The following SLC18A2 variants were observed in gnomAD, a reference collection of about 807,000 sequenced individuals.
SLC18A2 encodes synaptic vesicular amine transporter.
Under a neutral mutation model 59.2 loss-of-function variants are expected in SLC18A2, and 33 were observed. The observed-to-expected ratio is 0.56, with a 90% CI of 0.42 to 0.75. SLC18A2 has a LOEUF of 0.75. SLC18A2 is among the 30% of genes least tolerant of loss of function. The pLI, the probability that SLC18A2 is intolerant of heterozygous loss-of-function variation, is 0.00. For missense variants in SLC18A2, 569 were observed against 668.6 expected, an observed-to-expected ratio of 0.85 and a Z score of 1.64; for synonymous variants, 228 against 253.5, an observed-to-expected ratio of 0.90 and a Z score of 0.95.
At chr10:117,260,549 A>G (rs1226457392) in intron 10 of SLC18A2, among the ~76,000 whole-genome samples, 1 of 152,222 alleles carries the variant, frequency 6.6e-6, no homozygotes, top group Non-Finnish European at 1.5e-5. Context: ...TTCCTTTGCT[A>G]GCATTTAAAT....
intron 10 of SLC18A2, among the ~76,000 whole-genome samples, chr10:117,264,269 G>A (rs969214488): frequency 5.9e-5 from 9 of 152,250 alleles, no homozygotes; most frequent in African/African-American, 2.2e-4. Flanking sequence ...ACTGTTGCAG[G>A]CCAGTCCCAG....
At chr10:117,252,217 C>T (rs910286313) in intron 3 of SLC18A2, among the ~76,000 whole-genome samples, 7 of 137,024 alleles carry the variant, frequency 5.1e-5, no homozygotes, top group African/African-American at 1.9e-4. Flanking sequence ...CTCCTGAGCT[C>T]AGGTGATCCG....
At chr10:117,264,709 A>G (rs1185195189) in intron 10 of SLC18A2, among the ~76,000 whole-genome samples, 1 of 151,960 alleles carries the variant, frequency 6.6e-6, no homozygotes, top group Non-Finnish European at 1.5e-5. Flanking sequence ...TCTGCTTGCA[A>G]TTTGCTTGTT....
intron 10 of SLC18A2, among the ~76,000 whole-genome samples, chr10:117,265,458 A>G (rs1844337965): frequency 6.6e-6 from 1 of 152,098 alleles, no homozygotes; most frequent in South Asian, 2.1e-4. Flanking sequence ...ATTGAGAACA[A>G]AGTAACTTTT....
At chr10:117,274,687 C>T (rs756963172) in intron 15 of SLC18A2, among the ~76,000 whole-genome samples, 3 of 152,136 alleles carry the variant, frequency 2.0e-5, no homozygotes, top group Non-Finnish European at 4.4e-5. Context: ...TACTCATTGC[C>T]ACCTCCCTTG....
At chr10:117,254,372 G>T (rs1363485855) in intron 5 of SLC18A2, 33 bp from the exon 6 acceptor site, 7 of 1,525,832 alleles carry the variant, frequency 4.6e-6, no homozygotes, top group Non-Finnish European at 6.2e-6. Flanking sequence ...GTTCCCCGGA[G>T]CTGGCCTGTT....
intron 3 of SLC18A2, among the ~76,000 whole-genome samples, chr10:117,252,732 G>A (rs955754584): frequency 6.6e-6 from 1 of 152,112 alleles, no homozygotes; most frequent in East Asian, 1.9e-4. Context: ...TGGTCTCTCC[G>A]AGGGACTGAG....
Position 117,269,929 on chromosome 10 carries a change from G to C in SLC18A2, c.1187-142G>C, listed in dbSNP as rs1393256647. 1.0e-6 allele frequency: 1 copy of C among 959,282 alleles called. No homozygotes were observed. Among genetic ancestry groups the C allele is most frequent in the Admixed American group, 2.7e-5 (1 of 37,170 alleles). The allele number at this position is 959,282 out of a possible 1,614,324, so 59.4% of individuals were successfully genotyped here. On this transcript the variant is annotated intron_variant, in intron 13 of 15. Coordinates refer to ENST00000644641, the MANE Select transcript of SLC18A2 (RefSeq NM_003054.6). This position sits in a 1 kb window ranked among gnomAD's most constrained non-coding sequence, Gnocchi z 5.1. ...CTTCATTCTTTCTACTCAAAGATTA[G>C]TATCACCCCAAGACTTGCAGGTGGT...
At position 117,253,942 on chromosome 10, in the gene SLC18A2, A is replaced by G. The variant is rs757670896; in HGVS notation, c.524-106A>G. 11 of 966,302 alleles carry G rather than the reference A, an allele frequency of 1.1e-5. 1 individual carries two copies. Among genetic ancestry groups the G allele is most frequent in the Admixed American group, 1.9e-5 (1 of 51,312 alleles). The allele number at this position is 966,302 out of a possible 1,614,324, so 59.9% of individuals were successfully genotyped here. A position where few individuals can be genotyped will look rare whatever the true frequency, so the allele number is the denominator to read the frequency against. The stretch of plus-strand genomic sequence containing the variant: ...GGAACAAAAGCACAGGGTGGCTAAC[A>G]TGCAAATGCTCCACTGGGTTAAGGG... On this transcript the variant is annotated intron_variant, in intron 4 of 15. Transcript: ENST00000644641.
At chr10:117,252,204 GA>G (rs1844170881) in intron 3 of SLC18A2, among the ~76,000 whole-genome samples, 1 of 120,082 alleles carries the variant, frequency 8.3e-6, no homozygotes, top group Non-Finnish European at 1.6e-5. Context: ...GGCTGGTCTT[GA>G]ACTCCTGAGC....
chr10:117,254,586 G>GT, intron 6 of SLC18A2, 89 bp downstream of exon 6: 3 of 812,062 alleles, frequency 3.7e-6, no homozygotes, highest in Non-Finnish European at 5.6e-6. Flanking sequence ...CCCTGGCGCA[G>GT]TTTGCACTGA....
At chr10:117,259,482 A>G (rs1844269892) in intron 10 of SLC18A2, among the ~76,000 whole-genome samples, 1 of 151,978 alleles carries the variant, frequency 6.6e-6, no homozygotes, top group African/African-American at 2.4e-5. Flanking sequence ...CTTCCTCCTT[A>G]TTGCAGAGCA....
At position 117,278,443 on chromosome 10, in the gene SLC18A2, TGTGTA is replaced by T. The variant is rs1316943347; in HGVS notation, c.*1178_*1182del. On this transcript the variant is annotated 3_prime_UTR_variant, in exon 16 of 16. Transcript: ENST00000644641. ...AACTATATCATCCAGTGTGCAGTGTTGTGTATTTTTCTAAGCATGACAACATTGAT... is the reference window on the plus strand; with the variant it reads ...AACTATATCATCCAGTGTGCAGTGTTTTTTTCTAAGCATGACAACATTGAT... 1 of 142,638 alleles carries T rather than the reference TGTGTA, an allele frequency of 7.0e-6. No individual in the cohort carries two copies. The highest frequency in any genetic ancestry group is 1.6e-5 in the Non-Finnish European group (1 of 63,458). 8.8% of individuals were successfully genotyped at this position (142,638 alleles called of 1,614,324 possible). A position where few individuals can be genotyped will look rare whatever the true frequency, so the allele number is the denominator to read the frequency against.
chr10:117,276,710 C>G (rs996430211), intron 15 of SLC18A2, among the ~76,000 whole-genome samples: 1 of 151,196 alleles, frequency 6.6e-6, no homozygotes, highest in African/African-American at 2.4e-5. Context: ...GTAGTCCAGA[C>G]TTAGGTACAT....
chr10:117,258,024 G>A (rs1017657471), intron 10 of SLC18A2, 132 bp downstream of exon 10: 5 of 592,700 alleles, frequency 8.4e-6, no homozygotes, highest in Non-Finnish European at 1.2e-5. Flanking sequence ...TCTTAATGGG[G>A]TCATTGCTTA....
Position 117,241,776 on chromosome 10 carries a change from T to C in SLC18A2, c.83T>C (p.Leu28Pro). ...SRKLILFIVFLALLLDNMLLT... is the reference protein window; with the variant it reads ...SRKLILFIVFPALLLDNMLLT... ...AAGCTCATCCTGTTCATCGTGTTCCTGGCGCTGCTGCTGGACAACATGCTG... is the reference window on the plus strand; with the variant it reads ...AAGCTCATCCTGTTCATCGTGTTCCCGGCGCTGCTGCTGGACAACATGCTG... The change falls in exon 2 of 16, where the codon CTG becomes CCG. Residue 28 changes from leucine (L) to proline (P), a missense_variant. By Grantham distance (98) the Leu-to-Pro change is moderately conservative. Around this residue, in one of 2 missense-constraint regions of SLC18A2, gnomAD observed 377 missense variants for 389.8 expected, o/e 0.97. Coordinates refer to ENST00000644641, the MANE Select transcript of SLC18A2 (RefSeq NM_003054.6). The C allele has an allele frequency of 1.2e-6, 2 of 1,611,194 alleles. No homozygotes were observed. Among genetic ancestry groups the C allele is most frequent in the Non-Finnish European group, 1.7e-6 (2 of 1,179,142 alleles).
chr10:117,274,863 G>T (rs892903341), intron 15 of SLC18A2, among the ~76,000 whole-genome samples: 2 of 152,140 alleles, frequency 1.3e-5, no homozygotes, highest in African/African-American at 4.8e-5. Flanking sequence ...GACCTTAAAG[G>T]CACTGAGATG....
chr10:117,259,099 C>A (rs1233387750), intron 10 of SLC18A2, among the ~76,000 whole-genome samples: 1 of 152,202 alleles, frequency 6.6e-6, no homozygotes, highest in African/African-American at 2.4e-5. Flanking sequence ...TGCATTACAG[C>A]TTCTTGTTAG....
At chr10:117,249,469 A>C (rs1238315412) in intron 3 of SLC18A2, among the ~76,000 whole-genome samples, 2 of 152,252 alleles carry the variant, frequency 1.3e-5, no homozygotes, top group African/African-American at 2.4e-5. Context: ...CAAATTGAAA[A>C]TATCATTCCA....
Sources: allele counts gnomAD v4.1 joint callset (sites outside exome capture counted in the v4.1 genomes callset), GRCh38; gene constraint gnomAD v4.1.1; regional missense constraint gnomAD v4.1.1; non-coding constraint Gnocchi (gnomAD v3.1); transcripts MANE v1.5; gene names NCBI Gene and HGNC (gene_info 2026-07-23, HGNC 2026-07-21).